CHST11: variants seen among roughly 807,000 people sequenced by gnomAD.
CHST11 encodes carbohydrate sulfotransferase 11, also known as C4S-1.
Under a neutral mutation model 30.4 loss-of-function variants are expected in CHST11, and 9 were observed. The ratio of observed to expected loss-of-function variants is 0.30; its 90% CI spans 0.18 to 0.52. The LOEUF is 0.52. Ranked by LOEUF, CHST11 falls within the 20% of genes least tolerant of loss-of-function variation. The probability of loss-of-function intolerance (pLI) is 0.97; values close to 1 mark genes in which losing one functional copy is unlikely to be tolerated. For synonymous variants in CHST11, 152 were observed against 187.8 expected (o/e 0.81, Z 1.56); for missense variants, 348 against 460.6 (o/e 0.76, Z 2.24).
At chr12:104,597,440 C>T (rs775727104) in intron 1 of CHST11, among the ~76,000 whole-genome samples, 15 of 151,926 alleles carry the variant, frequency 9.9e-5, no homozygotes, top group African/African-American at 2.4e-5. Context: ...ATTTCTTTTG[C>T]GGGGCTTTTG....
chr12:104,538,517 A>G (rs1039013665), intron 1 of CHST11, among the ~76,000 whole-genome samples: 1 of 152,230 alleles, frequency 6.6e-6, no homozygotes, highest in African/African-American at 2.4e-5. Context: ...CATTATACGC[A>G]GCCTAAAGTT....
chr12:104,540,990 T>G (rs547480988), intron 1 of CHST11, among the ~76,000 whole-genome samples: 4 of 152,194 alleles, frequency 2.6e-5, no homozygotes, highest in African/African-American at 4.8e-5. Context: ...AAAGAGCCAG[T>G]GGCAGAACTT....
intron 2 of CHST11, among the ~76,000 whole-genome samples, chr12:104,617,366 C>T (rs1276161467): frequency 6.6e-6 from 1 of 152,166 alleles, no homozygotes; most frequent in Non-Finnish European, 1.5e-5. Flanking sequence ...CCATGCCCGC[C>T]TCTCACCTTC....
In CHST11 at chr12:104,709,227, C is replaced by T. The variant is rs559447124; in HGVS notation, c.205-47722C>T. ...CTCCTGGCCCTCCTGTGGGGACCTA[C>T]GAGCCCCCTGCACCCACAGCCTCGC... On this transcript the variant is annotated intron_variant, in intron 2 of 2. Transcript: ENST00000303694. Among the ~76,000 whole-genome samples the T allele has an allele frequency of 5.3e-5, 8 of 152,336 alleles. No homozygotes were observed. The South Asian group carries it at 1.2e-3, about 24-fold the overall frequency.
intron 1 of CHST11, among the ~76,000 whole-genome samples, chr12:104,491,169 A>G (rs573904217): frequency 1.3e-5 from 2 of 152,284 alleles, no homozygotes; most frequent in East Asian, 1.9e-4. Context: ...CACTGTGTAC[A>G]TACTAAATCA....
intron 2 of CHST11, among the ~76,000 whole-genome samples, chr12:104,615,579 A>T (rs114103191): frequency 0.011 from 1,722 of 152,310 alleles, 32 homozygotes; most frequent in African/African-American, 0.038. Flanking sequence ...CGGCTGTGTG[A>T]TGTAGGAGAG....
intron 2 of CHST11, 151 bp downstream of exon 2, chr12:104,602,142 T>C (rs1415938835): frequency 8.0e-6 from 5 of 623,786 alleles, no homozygotes; most frequent in Non-Finnish European, 1.4e-5. Flanking sequence ...CGTCACCCTT[T>C]TTCTATGTAG....
chr12:104,711,664 G>A (rs980662007), intron 2 of CHST11, among the ~76,000 whole-genome samples: 1 of 151,988 alleles, frequency 6.6e-6, no homozygotes, highest in African/African-American at 2.4e-5. Context: ...GGCCTGAGAG[G>A]GTGAAGTAGA....
At chr12:104,555,242 G>A (rs2136012361) in intron 1 of CHST11, among the ~76,000 whole-genome samples, 1 of 152,346 alleles carries the variant, frequency 6.6e-6, no homozygotes, top group South Asian at 2.1e-4. Context: ...CAGAGGCCAT[G>A]TCTCTATTCT....
intron 1 of CHST11, among the ~76,000 whole-genome samples, chr12:104,505,457 G>C (rs2037896146): frequency 6.6e-6 from 1 of 152,128 alleles, no homozygotes; most frequent in Non-Finnish European, 1.5e-5. Context: ...ATAGGTCTGG[G>C]GTGTGGCCTG....
intron 1 of CHST11, among the ~76,000 whole-genome samples, chr12:104,527,962 C>A (rs2038144924): frequency 6.6e-6 from 1 of 152,164 alleles, no homozygotes; most frequent in Non-Finnish European, 1.5e-5. Context: ...ATCACGAGAA[C>A]AGTATGGGGG....
At chr12:104,656,447 A>C (rs1045238740) in intron 2 of CHST11, among the ~76,000 whole-genome samples, 1 of 152,152 alleles carries the variant, frequency 6.6e-6, no homozygotes, top group African/African-American at 2.4e-5. Context: ...ACCTGAGCAC[A>C]GCACTCAGGC....
In CHST11 at chr12:104,676,034, T is replaced by C. The variant is rs2039739328; in HGVS notation, c.204+74043T>C. Among the ~76,000 whole-genome samples the C allele has an allele frequency of 1.3e-5, 2 of 152,178 alleles. No individual in the cohort carries two copies. The highest frequency in any genetic ancestry group is 6.5e-5 in the Admixed American group (1 of 15,284). On this transcript the variant is annotated intron_variant, in intron 2 of 2. Transcript: ENST00000303694. The surrounding 1 kb of genome is among the most constrained non-coding windows in gnomAD (Gnocchi z 4.4). The stretch of plus-strand genomic sequence containing the variant: ...GCCTCGACTGGTCAACTCCTATAAT[T>C]CTGTCTGCATAGGAAAGACCTGTTC...
At chr12:104,750,737 C>A (rs1048203237) in intron 2 of CHST11, among the ~76,000 whole-genome samples, 35 of 151,900 alleles carry the variant, frequency 2.3e-4, no homozygotes, top group African/African-American at 8.5e-4. Flanking sequence ...AGCCACCGTG[C>A]CTGGCTTGTG....
At position 104,758,569 on chromosome 12, in the gene CHST11, A is replaced by G. The variant is rs1260057646; in HGVS notation, c.*766A>G. The G allele has an allele frequency of 3.3e-5, 5 of 152,184 alleles. No individual in the cohort carries two copies. The highest frequency in any genetic ancestry group is 7.3e-5 in the Non-Finnish European group (5 of 68,032). 9.4% of individuals were successfully genotyped at this position (152,184 alleles called of 1,614,324 possible). A position where few individuals can be genotyped will look rare whatever the true frequency, so the allele number is the denominator to read the frequency against. On this transcript the variant is annotated 3_prime_UTR_variant, in exon 3 of 3. Transcript: ENST00000303694. ...TTCGACAAATATTTATTGAGCATCT[A>G]CTATATACTAGGCCCTGAAGATAGA...
intron 1 of CHST11, among the ~76,000 whole-genome samples, chr12:104,499,069 C>T (rs1378218265): frequency 6.6e-6 from 1 of 152,188 alleles, no homozygotes; most frequent in Non-Finnish European, 1.5e-5. Flanking sequence ...TTAGATCTCC[C>T]TATCTGGAAT....
chr12:104,542,122 G>A (rs1198964044), intron 1 of CHST11, among the ~76,000 whole-genome samples: 1 of 152,194 alleles, frequency 6.6e-6, no homozygotes, highest in Admixed American at 6.5e-5. Flanking sequence ...TCTAAATGTA[G>A]TGTTGAACAT....
intron 1 of CHST11, among the ~76,000 whole-genome samples, chr12:104,468,049 A>G (rs1193905913): frequency 1.3e-5 from 2 of 152,160 alleles, no homozygotes; most frequent in Non-Finnish European, 2.9e-5. Flanking sequence ...CATGGAACAT[A>G]CATCATAGTG....
At chr12:104,710,697 G>A (rs1292298812) in intron 2 of CHST11, among the ~76,000 whole-genome samples, 1 of 152,148 alleles carries the variant, frequency 6.6e-6, no homozygotes, top group East Asian at 1.9e-4. Flanking sequence ...GAGTAAACGT[G>A]GCCCCTCAAA....
Sources: allele counts gnomAD v4.1 joint callset (sites outside exome capture counted in the v4.1 genomes callset), GRCh38; gene constraint gnomAD v4.1.1; non-coding constraint Gnocchi (gnomAD v3.1); transcripts MANE v1.5; gene names NCBI Gene and HGNC (gene_info 2026-07-23, HGNC 2026-07-21).